ATP2B2: variants seen among roughly 807,000 people sequenced by gnomAD.
The protein encoded by ATP2B2 is plasma membrane calcium-transporting ATPase 2.
In ATP2B2, 15 loss-of-function variants were observed where a neutral mutation model predicts 120.0. The observed-to-expected ratio is 0.12, with a 90% CI of 0.08 to 0.19. ATP2B2 has a LOEUF of 0.19. Among genes scored for constraint, ATP2B2 ranks in the 10% least tolerant of loss-of-function variants. The pLI is 1.00. For missense variants in ATP2B2, 1,045 were observed against 1,719.8 expected (o/e 0.61, Z 6.94); for synonymous variants, 694 against 700.3 (o/e 0.99, Z 0.14).
At position 10,324,531 on chromosome 3, in the gene ATP2B2, C is replaced by G. The variant is rs1429444588; in HGVS notation, c.*4283G>C. On this transcript the variant is annotated 3_prime_UTR_variant, in exon 23 of 23. Coordinates refer to ENST00000360273, the MANE Select transcript of ATP2B2 (RefSeq NM_001001331.4). ...TGCTATTGTCTGACTTCCCTCCTGG[C>G]TCTGGAAGGCCTAAAAGCCTTCAAG... The G allele has an allele frequency of 6.6e-6, 1 of 152,164 alleles. No individual in the cohort carries two copies. The highest frequency in any genetic ancestry group is 2.4e-5 in the African/African-American group (1 of 41,420). 9.4% of individuals were successfully genotyped at this position (152,164 alleles called of 1,614,324 possible). A position where few individuals can be genotyped will look rare whatever the true frequency, so the allele number is the denominator to read the frequency against.
intron 1 of ATP2B2, among the ~76,000 whole-genome samples, chr3:10,690,381 G>A (rs114242895): frequency 0.011 from 1,657 of 152,290 alleles, 20 homozygotes; most frequent in South Asian, 0.049. Context: ...GATAGAGATA[G>A]AGAGATGGAT....
At chr3:10,677,470 T>C (rs2071274711) in intron 1 of ATP2B2, among the ~76,000 whole-genome samples, 2 of 152,166 alleles carry the variant, frequency 1.3e-5, no homozygotes, top group Non-Finnish European at 2.9e-5. Context: ...TATGATACTA[T>C]AATAGTGAAT....
chr3:10,486,565 A>C (rs1256420118), intron 1 of ATP2B2, among the ~76,000 whole-genome samples: 2 of 151,244 alleles, frequency 1.3e-5, no homozygotes, highest in Non-Finnish European at 2.9e-5. Context: ...GCACTGGCTG[A>C]CTCCTTTGCT....
chr3:10,345,804 C>T (rs923924505), intron 17 of ATP2B2, among the ~76,000 whole-genome samples: 1 of 152,208 alleles, frequency 6.6e-6, no homozygotes, highest in African/African-American at 2.4e-5. Context: ...TATCTTCCTC[C>T]TCAGCCTGCA....
chr3:10,505,020 C>T (rs1234568549), intron 1 of ATP2B2, among the ~76,000 whole-genome samples: 2 of 152,292 alleles, frequency 1.3e-5, no homozygotes, highest in East Asian at 1.9e-4. Context: ...GGGTGGGCAA[C>T]GGGCACCCTC....
At chr3:10,436,704 C>G (rs1232524285) in intron 2 of ATP2B2, among the ~76,000 whole-genome samples, 2 of 152,190 alleles carry the variant, frequency 1.3e-5, no homozygotes, top group African/African-American at 4.8e-5. Context: ...CCTAAGCTGC[C>G]CTCTTGCCTC....
intron 2 of ATP2B2, among the ~76,000 whole-genome samples, chr3:10,559,230 G>A (rs1301665476): frequency 1.3e-5 from 2 of 152,182 alleles, no homozygotes; most frequent in African/African-American, 4.8e-5. Flanking sequence ...GAGTAAAACT[G>A]TGGCTATTAG....
intron 1 of ATP2B2, among the ~76,000 whole-genome samples, chr3:10,693,916 T>C (rs1422952034): frequency 6.6e-6 from 1 of 152,220 alleles, no homozygotes; most frequent in African/African-American, 2.4e-5. Context: ...CGTGGGACCA[T>C]GTCTCTGTTG....
intron 2 of ATP2B2, among the ~76,000 whole-genome samples, chr3:10,411,445 T>C (rs1010596319): frequency 2.6e-5 from 4 of 152,208 alleles, no homozygotes; most frequent in Non-Finnish European, 5.9e-5. Context: ...TCCACACTCC[T>C]ACAGCCGCCT....
intron 1 of ATP2B2, among the ~76,000 whole-genome samples, chr3:10,480,994 T>C (rs34881): frequency 0.47 from 70,924 of 151,656 alleles, 17,835 homozygotes; most frequent in Non-Finnish European, 0.56. Context: ...AGATCTCAGT[T>C]CATCCCGCCT....
chr3:10,532,938 A>C (rs2067239918), intron 3 of ATP2B2, among the ~76,000 whole-genome samples: 1 of 152,186 alleles, frequency 6.6e-6, no homozygotes, highest in Admixed American at 6.5e-5. Context: ...CAGTTTTCTC[A>C]TTTGTGAAAA....
At chr3:10,652,951 T>C (rs1395130610) in intron 1 of ATP2B2, among the ~76,000 whole-genome samples, 1 of 152,124 alleles carries the variant, frequency 6.6e-6, no homozygotes, top group East Asian at 1.9e-4. Context: ...AACAGGGATT[T>C]AGTGTTTAAT....
intron 1 of ATP2B2, among the ~76,000 whole-genome samples, chr3:10,480,370 C>T (rs1259821378): frequency 6.6e-6 from 1 of 152,108 alleles, no homozygotes; most frequent in Non-Finnish European, 1.5e-5. Flanking sequence ...TGACCTTGAT[C>T]CCAGCCACAC....
chr3:10,520,833 C>T (rs763563925), intron 3 of ATP2B2, among the ~76,000 whole-genome samples: 75 of 150,122 alleles, frequency 5.0e-4, no homozygotes, highest in Non-Finnish European at 9.0e-4. Context: ...TGTATTGGAA[C>T]AAACTATATG....
upstream of ATP2B2, among the ~76,000 whole-genome samples, chr3:10,508,986 T>C (rs1352374510): frequency 6.6e-6 from 1 of 152,220 alleles, no homozygotes; most frequent in East Asian, 1.9e-4. Flanking sequence ...ATCTGATTTT[T>C]ACTCTGTGTT....
intron 12 of ATP2B2, among the ~76,000 whole-genome samples, chr3:10,364,635 C>G (rs980160450): frequency 6.6e-6 from 1 of 151,992 alleles, no homozygotes. Flanking sequence ...CACACAAACC[C>G]GGGAGGCGGA....
intron 1 of ATP2B2, among the ~76,000 whole-genome samples, chr3:10,488,383 A>C (rs558980064): frequency 6.8e-6 from 1 of 147,662 alleles, no homozygotes; most frequent in Non-Finnish European, 1.5e-5. Context: ...CCATCCACCC[A>C]TCCATCCATC....
intron 2 of ATP2B2, among the ~76,000 whole-genome samples, chr3:10,562,592 C>T (rs1036493240): frequency 6.6e-6 from 1 of 152,124 alleles, no homozygotes; most frequent in Non-Finnish European, 1.5e-5. Flanking sequence ...ATCTCTAGTC[C>T]TCCATCTCTT....
At chr3:10,487,245 C>T (rs956806172) in intron 1 of ATP2B2, among the ~76,000 whole-genome samples, 9 of 152,084 alleles carry the variant, frequency 5.9e-5, no homozygotes, top group Non-Finnish European at 1.3e-4. Context: ...TGTGTGCGCA[C>T]ACACACACAG....
Sources: allele counts gnomAD v4.1 joint callset (sites outside exome capture counted in the v4.1 genomes callset), GRCh38; gene constraint gnomAD v4.1.1; transcripts MANE v1.5; gene names NCBI Gene and HGNC (gene_info 2026-07-23, HGNC 2026-07-21).